DNAH5: variants seen among roughly 807,000 people sequenced by gnomAD.
The protein encoded by DNAH5 is axonemal beta dynein heavy chain 5.
In DNAH5, 372 loss-of-function variants were observed where a neutral mutation model predicts 518.2. The ratio of observed to expected loss-of-function variants is 0.72; its 90% CI spans 0.66 to 0.78. The LOEUF is 0.78. DNAH5 is among the 30% of genes least tolerant of loss of function. The probability of loss-of-function intolerance (pLI) is 0.00; values close to 1 mark genes in which losing one functional copy is unlikely to be tolerated. For synonymous variants in DNAH5, 2,039 were observed against 2,025.9 expected (o/e 1.01, Z -0.17); for missense variants, 5,523 against 5,687.0 (o/e 0.97, Z 0.93).
At chr5:13,789,808 GA>G (rs1455221880) in intron 50 of DNAH5, among the ~76,000 whole-genome samples, 2 of 152,056 alleles carry the variant, frequency 1.3e-5, no homozygotes, top group African/African-American at 4.8e-5. Context: ...AACTTTGAGG[GA>G]AAAAAATCAA....
rs1392616057 is a variant in DNAH5 at position 13,830,044 on chromosome 5, A to G, written c.6231T>C (p.Phe2077=). The G allele has an allele frequency of 6.2e-7, 1 of 1,613,992 alleles. No homozygotes were observed. The highest frequency in any genetic ancestry group is 2.2e-5 in the East Asian group (1 of 44,876). The change falls in exon 37 of 79, where the codon TTT becomes TTC. Residue 2077 remains phenylalanine, a synonymous_variant. Transcript: ENST00000265104. ...TCCTTACCATGGTTAAGAAAAGCCC[A>G]AATTCAGGGTTCATAGTCACATTAT... The part of the protein sequence containing the change: ...DGDNVTMNPE[F]GLFLTMNPGY...
chr5:13,891,799 T>A (rs969732012), intron 16 of DNAH5, among the ~76,000 whole-genome samples: 1 of 152,346 alleles, frequency 6.6e-6, no homozygotes, highest in Admixed American at 6.5e-5. Flanking sequence ...TACATTTTTT[T>A]AGTTGTGCTG....
At chr5:13,896,480 A>C (rs564867553) in intron 15 of DNAH5, 19 of 152,128 alleles carry the variant, frequency 1.2e-4, no homozygotes, top group African/African-American at 4.6e-4. Context: ...CACCAAAACC[A>C]CTCACACATT....
intron 45 of DNAH5, among the ~76,000 whole-genome samples, chr5:13,809,592 AT>A (rs1760262603): frequency 6.6e-6 from 1 of 152,184 alleles, no homozygotes; most frequent in Non-Finnish European, 1.5e-5. Context: ...TTAATACATT[AT>A]TATACACCCA....
At chr5:13,949,280 A>C (rs1217788229), upstream of DNAH5, among the ~76,000 whole-genome samples, 2 of 152,256 alleles carry the variant, frequency 1.3e-5, no homozygotes, top group Admixed American at 6.5e-5. Context: ...TATGCAAGAC[A>C]ATAAACATCC....
At chr5:13,851,502 GT>G (rs1561431357) in intron 30 of DNAH5, among the ~76,000 whole-genome samples, 1 of 151,904 alleles carries the variant, frequency 6.6e-6, no homozygotes, top group Non-Finnish European at 1.5e-5. Context: ...TAGAAACTGG[GT>G]TTCATCATGT....
intron 76 of DNAH5, among the ~76,000 whole-genome samples, chr5:13,704,192 C>A (rs751253793): frequency 6.6e-6 from 1 of 152,134 alleles, no homozygotes; most frequent in Non-Finnish European, 1.5e-5. Context: ...GCCACAGCAG[C>A]GGTGGAAAGA....
Position 13,841,094 on chromosome 5 carries a change from C to A in DNAH5, c.5521G>T (p.Asp1841Tyr). ...LLGIQMIWTRDSEEALRNAKF... is the reference protein window; with the variant it reads ...LLGIQMIWTRYSEEALRNAKF... ...GCATTTCTAAGGGCTTCTTCTGAATCCCGTGTCCATATCATCTGAATTCCT... is the reference window on the plus strand; with the variant it reads ...GCATTTCTAAGGGCTTCTTCTGAATACCGTGTCCATATCATCTGAATTCCT... The change falls in exon 34 of 79, where the codon GAT (aspartate) becomes TAT (tyrosine). Residue 1841 changes from aspartate to tyrosine, a missense_variant. Coordinates refer to ENST00000265104, the MANE Select transcript of DNAH5 (RefSeq NM_001369.3). 1 of 1,614,062 alleles carries A rather than the reference C, an allele frequency of 6.2e-7. No homozygotes were observed. Among genetic ancestry groups the A allele is most frequent in the Non-Finnish European group, 8.5e-7 (1 of 1,179,994 alleles).
chr5:13,901,454 G>A lies in DNAH5; in HGVS notation c.1850C>T (p.Ala617Val), dbSNP rs1774614414. ...YTKQKYDPPL[A>V]RNQPPIAGKI... ...TCCAGCGATGGGAGGCTGGTTTCGA[G>A]CCAGAGGAGGATCGTATTTCTGCTT... is the stretch of plus-strand genomic sequence containing the variant. Residue 617 changes from alanine (A) to valine (V), a missense_variant, in exon 14 of 79, where the codon GCT becomes GTT. Ala to Val is a moderately conservative substitution (Grantham distance 64). Coordinates refer to ENST00000265104, the MANE Select transcript of DNAH5 (RefSeq NM_001369.3). 6 of 1,613,860 alleles carry A rather than the reference G, an allele frequency of 3.7e-6. No individual in the cohort carries two copies. The highest frequency in any genetic ancestry group is 5.1e-6 in the Non-Finnish European group (6 of 1,179,982).
chr5:13,884,952 C>T, intron 19 of DNAH5, 37 bp downstream of exon 19: 1 of 1,613,578 alleles, frequency 6.2e-7, no homozygotes, highest in Non-Finnish European at 8.5e-7. Flanking sequence ...GCAACTATGC[C>T]TGATCATCCA....
chr5:13,917,912 T>C (rs1292105506), intron 7 of DNAH5, among the ~76,000 whole-genome samples: 2 of 152,210 alleles, frequency 1.3e-5, no homozygotes, highest in East Asian at 3.9e-4. Flanking sequence ...TATCAAAACA[T>C]GCAAATAGCT....
At position 13,801,114 on chromosome 5, in the gene DNAH5, A is replaced by C. The variant is rs922014325; in HGVS notation, c.7887+6477T>G. On this transcript the variant is annotated intron_variant, in intron 47 of 78. Coordinates refer to ENST00000265104, the MANE Select transcript of DNAH5 (RefSeq NM_001369.3). ...TGGTTTGGCTCTGTGTCCCCACCCAAATCTCATGTGGAATTGTCATCCCCA... is the reference window on the plus strand; with the variant it reads ...TGGTTTGGCTCTGTGTCCCCACCCACATCTCATGTGGAATTGTCATCCCCA... Among the ~76,000 whole-genome samples the C allele has an allele frequency of 1.5e-4, 23 of 152,190 alleles. No homozygotes were observed. The East Asian group carries it at 4.5e-3, about 29-fold the overall frequency.
rs918192619 is a variant in DNAH5, at chr5:13,786,164, G to C, written c.8820+15C>G. 26 of 1,613,372 alleles carry C rather than the reference G, an allele frequency of 1.6e-5. No individual in the cohort carries two copies. Among genetic ancestry groups the C allele is most frequent in the Non-Finnish European group, 2.2e-5 (26 of 1,179,698 alleles). ...TGTCACCTCCACAAGGCACTACTCA[G>C]AGTGGCTACTGTACCTTGACTAAGT... On this transcript the variant is annotated intron_variant, in intron 52 of 78. Coordinates refer to ENST00000265104, the MANE Select transcript of DNAH5 (RefSeq NM_001369.3).
In DNAH5 at chr5:13,735,160, T is replaced by G. The variant is rs975376907; in HGVS notation, c.11732A>C (p.Lys3911Thr). 1 of 1,614,174 alleles carries G rather than the reference T, an allele frequency of 6.2e-7. No homozygotes were observed. The highest frequency in any genetic ancestry group is 1.3e-5 in the African/African-American group (1 of 75,068). The change falls in exon 68 of 79, where the codon AAG becomes ACG. Residue 3911 changes from lysine (K) to threonine (T), a missense_variant. Lys to Thr is a moderately conservative substitution (Grantham distance 78). Coordinates refer to ENST00000265104, the MANE Select transcript of DNAH5 (RefSeq NM_001369.3). ...LKIDIQRNRV[K>T]HEEFLTLIKG... ...AATAAGAGTGAGAAACTCTTCATGCTTGACTCGGTTCCTCTGGATGTCAAT... is the reference window on the plus strand; with the variant it reads ...AATAAGAGTGAGAAACTCTTCATGCGTGACTCGGTTCCTCTGGATGTCAAT...
At chr5:13,814,582 A>C (rs1472689001) in intron 43 of DNAH5, 23 bp downstream of exon 43, 2 of 1,612,250 alleles carry the variant, frequency 1.2e-6, no homozygotes, top group Non-Finnish European at 1.7e-6. Flanking sequence ...TTTTAATTAT[A>C]CAAAAGAAGG....
At chr5:13,959,968 CA>C (rs981505837) in intron 1 of DNAH5, among the ~76,000 whole-genome samples, 1 of 150,360 alleles carries the variant, frequency 6.7e-6, no homozygotes, top group African/African-American at 2.4e-5. Flanking sequence ...AACTCCATCT[CA>C]AAAAAAAAGA....
intron 53 of DNAH5, among the ~76,000 whole-genome samples, chr5:13,779,257 T>C (rs1237672873): frequency 1.3e-5 from 2 of 152,222 alleles, no homozygotes; most frequent in Admixed American, 1.3e-4. Context: ...AGAAGAATCA[T>C]ATGCAAGGTA....
intron 61 of DNAH5, 97 bp downstream of exon 61, chr5:13,758,749 A>G: frequency 2.6e-6 from 4 of 1,540,662 alleles, no homozygotes; most frequent in Non-Finnish European, 3.6e-6. Context: ...TGTATGTATT[A>G]TGTATAAATT....
At chr5:13,864,137 T>C (rs1768878998) in intron 28 of DNAH5, among the ~76,000 whole-genome samples, 1 of 152,254 alleles carries the variant, frequency 6.6e-6, no homozygotes, top group African/African-American at 2.4e-5. Flanking sequence ...TCAATGGTAT[T>C]TGCCACAGCT....
Sources: gnomAD v4.1 joint callset for allele counts (sites outside exome capture counted in the v4.1 genomes callset) on GRCh38, gnomAD v4.1.1 for gene constraint, MANE v1.5 for transcripts, NCBI Gene and HGNC (gene_info 2026-07-23, HGNC 2026-07-21) for gene names.